The following KLHL28 variants were observed in gnomAD, a reference collection of about 807,000 sequenced individuals.
KLHL28 encodes the protein kelch-like protein 28.
KLHL28 carries 22 observed loss-of-function variants against 48.3 expected under a neutral mutation model. The observed-to-expected ratio is 0.46, with a 90% CI of 0.33 to 0.65. KLHL28 has a LOEUF of 0.65. Among genes scored for constraint, KLHL28 ranks in the 30% least tolerant of loss-of-function variants. KLHL28 has a pLI of 0.03. For synonymous variants in KLHL28, 243 were observed against 242.4 expected, an observed-to-expected ratio of 1.00 and a Z score of -0.02; for missense variants, 527 against 704.3, an observed-to-expected ratio of 0.75 and a Z score of 2.85.
chr14:44,924,962 C>T lies in KLHL28; in HGVS notation c.*4066G>A, dbSNP rs952882785. On this transcript the variant is annotated 3_prime_UTR_variant, in exon 5 of 5. Coordinates refer to ENST00000396128, the MANE Select transcript of KLHL28 (RefSeq NM_017658.5). ...TTAAAAATGTATTGTATTCCTCACT[C>T]TTTTCAAATGTGTATCAACACCAAA... 6.6e-6 allele frequency: 1 copy of T among 152,548 alleles called. No individual in the cohort carries two copies. The highest frequency in any genetic ancestry group is 6.5e-5 in the Admixed American group (1 of 15,286). The allele number at this position is 152,548 out of a possible 1,614,324, so 9.4% of individuals were successfully genotyped here.
intron 4 of KLHL28, 84 bp from the exon 5 acceptor site, chr14:44,929,275 ATGTTT>A: frequency 7.6e-6 from 9 of 1,189,332 alleles, no homozygotes; most frequent in South Asian, 1.6e-5. Context: ...TTGTATTTTA[ATGTTT>A]TATTAAAATA....
intron 2 of KLHL28, among the ~76,000 whole-genome samples, chr14:44,936,229 G>C (rs1167618300): frequency 6.6e-6 from 1 of 151,942 alleles, no homozygotes; most frequent in Admixed American, 6.6e-5. Context: ...CTATGAAGTG[G>C]GGCAGAGAAA....
chr14:44,936,002 C>T (rs754397785), intron 2 of KLHL28, among the ~76,000 whole-genome samples: 16 of 149,746 alleles, frequency 1.1e-4, no homozygotes, highest in Non-Finnish European at 2.1e-4. Flanking sequence ...TATAATCAAG[C>T]TATATTCATT....
In KLHL28 at chr14:44,924,425, T is replaced by TA. The variant is rs1459851549; in HGVS notation, c.*4602dup. 2.6e-5 allele frequency: 4 copies of TA among 152,522 alleles called. No individual in the cohort carries two copies. The highest frequency in any genetic ancestry group is 1.3e-4 in the Admixed American group (2 of 15,274). The allele number at this position is 152,522 out of a possible 1,614,324, so 9.4% of individuals were successfully genotyped here. On this transcript the variant is annotated 3_prime_UTR_variant, in exon 5 of 5. Transcript: ENST00000396128. ...TGATACACACAAATAACCTTTAAAA[T>TA]AAAAAAGAATACAATTCTTAACTAG... is the stretch of plus-strand genomic sequence containing the variant.
intron 1 of KLHL28, among the ~76,000 whole-genome samples, chr14:44,957,944 A>C (rs1365230961): frequency 6.6e-6 from 1 of 152,136 alleles, no homozygotes; most frequent in Non-Finnish European, 1.5e-5. Flanking sequence ...AATACACATT[A>C]GATACAAAAA....
At chr14:44,944,813 C>T (rs1884252354) in intron 2 of KLHL28, among the ~76,000 whole-genome samples, 1 of 151,734 alleles carries the variant, frequency 6.6e-6, no homozygotes, top group Non-Finnish European at 1.5e-5. Flanking sequence ...AAAGTGTGCA[C>T]TTGGGGAGAT....
At chr14:44,944,564 A>G (rs1884241206) in intron 2 of KLHL28, among the ~76,000 whole-genome samples, 1 of 152,138 alleles carries the variant, frequency 6.6e-6, no homozygotes, top group African/African-American at 2.4e-5. Context: ...TCAGTATCCT[A>G]TTTTTTCTCA....
intron 1 of KLHL28, among the ~76,000 whole-genome samples, chr14:44,949,490 A>G (rs1204857488): frequency 1.3e-5 from 2 of 152,148 alleles, no homozygotes; most frequent in East Asian, 1.9e-4. Context: ...AGTTAGCTAA[A>G]TCAGCAACTA....
chr14:44,946,551 CTTTTTTTTTTT>C (rs397853423), intron 1 of KLHL28, among the ~76,000 whole-genome samples: 2 of 122,526 alleles, frequency 1.6e-5, no homozygotes, highest in South Asian at 2.6e-4. Flanking sequence ...CCACTCAACT[CTTTTTTTTTTT>C]TTTTTTTTTT....
intron 2 of KLHL28, among the ~76,000 whole-genome samples, chr14:44,936,822 T>C (rs1883843328): frequency 1.3e-5 from 2 of 152,146 alleles, no homozygotes; most frequent in Admixed American, 1.3e-4. Flanking sequence ...GAATCTAAGC[T>C]AGGCAAGATG....
intron 1 of KLHL28, among the ~76,000 whole-genome samples, chr14:44,947,284 G>A (rs1401580632): frequency 6.6e-6 from 1 of 152,196 alleles, no homozygotes; most frequent in Non-Finnish European, 1.5e-5. Flanking sequence ...GAAGCTAGAA[G>A]AGCCAAGAAC....
At chr14:44,948,740 C>T (rs1232871379) in intron 1 of KLHL28, among the ~76,000 whole-genome samples, 1 of 152,014 alleles carries the variant, frequency 6.6e-6, no homozygotes, top group African/African-American at 2.4e-5. Flanking sequence ...TTGCTATCTC[C>T]CAAATATTTT....
rs397968833 is a variant in KLHL28, at chr14:44,928,684, T to TA, written c.*343dup. ...GGTTATCAGGGAAGGAGAGCTAAAA[T>TA]AAAAAAAAAAAAAAAAAAAAAGCAG... On this transcript the variant is annotated 3_prime_UTR_variant, in exon 5 of 5. Coordinates refer to ENST00000396128, the MANE Select transcript of KLHL28 (RefSeq NM_017658.5). The TA allele has an allele frequency of 0.09, 7,046 of 78,258 alleles. 264 individuals carry two copies. Among genetic ancestry groups the TA allele is most frequent in the South Asian group, 0.21 (490 of 2,306 alleles). The allele number at this position is 78,258 out of a possible 1,614,324, so 4.8% of individuals were successfully genotyped here. A position where few individuals can be genotyped will look rare whatever the true frequency, so the allele number is the denominator to read the frequency against.
At chr14:44,951,626 GTAACTTCA>G (rs1208624985) in intron 1 of KLHL28, among the ~76,000 whole-genome samples, 1 of 152,140 alleles carries the variant, frequency 6.6e-6, no homozygotes, top group Non-Finnish European at 1.5e-5. Context: ...ACTGGTAAAA[GTAACTTCA>G]TAAAAGAAAG....
chr14:44,937,296 C>A (rs1883867458), intron 2 of KLHL28, among the ~76,000 whole-genome samples: 2 of 151,928 alleles, frequency 1.3e-5, no homozygotes, highest in South Asian at 4.1e-4. Context: ...CAGGCATGCA[C>A]CACCACCCTC....
At chr14:44,930,253 A>G (rs1594563521) in intron 4 of KLHL28, among the ~76,000 whole-genome samples, 1 of 152,194 alleles carries the variant, frequency 6.6e-6, no homozygotes, top group East Asian at 1.9e-4. Flanking sequence ...TTGAACATCC[A>G]ATACCCAAAA....
chr14:44,927,224 G>T lies in KLHL28; in HGVS notation c.*1804C>A, dbSNP rs1883402604. On this transcript the variant is annotated 3_prime_UTR_variant, in exon 5 of 5. Coordinates refer to ENST00000396128, the MANE Select transcript of KLHL28 (RefSeq NM_017658.5). ...TGATACTACATTTATGATTAAAAAT[G>T]ATTTTACATAGTTTTGTAGTATATA... 1 of 152,564 alleles carries T rather than the reference G, an allele frequency of 6.6e-6. No homozygotes were observed. Among genetic ancestry groups the T allele is most frequent in the Non-Finnish European group, 1.5e-5 (1 of 68,006 alleles). 9.5% of individuals were successfully genotyped at this position (152,564 alleles called of 1,614,324 possible).
rs1202451491 is a variant in KLHL28, at chr14:44,925,833, A to G, written c.*3195T>C. The G allele has an allele frequency of 6.6e-6, 1 of 152,176 alleles. No individual in the cohort carries two copies. The highest frequency in any genetic ancestry group is 2.4e-5 in the African/African-American group (1 of 41,454). 9.4% of individuals were successfully genotyped at this position (152,176 alleles called of 1,614,324 possible). On this transcript the variant is annotated 3_prime_UTR_variant, in exon 5 of 5. Coordinates refer to ENST00000396128, the MANE Select transcript of KLHL28 (RefSeq NM_017658.5). ...CTACATTAAAAGCCACTTACATTCT[A>G]TTACAACATCCAATGATTATTGAAT...
At chr14:44,946,816 A>G (rs1884356234) in intron 1 of KLHL28, among the ~76,000 whole-genome samples, 1 of 152,144 alleles carries the variant, frequency 6.6e-6, no homozygotes, top group Admixed American at 6.5e-5. Context: ...TCGGCTTCTC[A>G]AAGTGCGGGG....
Sources: allele counts gnomAD v4.1 joint callset (sites outside exome capture counted in the v4.1 genomes callset), GRCh38; gene constraint gnomAD v4.1.1; transcripts MANE v1.5; gene names NCBI Gene and HGNC (gene_info 2026-07-23, HGNC 2026-07-21).